MFHAS1: variants seen among roughly 807,000 people sequenced by gnomAD.
MFHAS1 encodes multifunctional ROCO family signaling regulator 1, also known as malignant fibrous histiocytoma-amplified sequence 1.
A neutral mutation model predicts 70.4 loss-of-function variants in MFHAS1; 50 were observed. The ratio of observed to expected loss-of-function variants is 0.71; its 90% CI spans 0.57 to 0.90. MFHAS1 has a LOEUF of 0.90. Among genes scored for constraint, MFHAS1 ranks in the 40% least tolerant of loss-of-function variants. MFHAS1 has a pLI of 0.00. For synonymous variants in MFHAS1, 952 were observed against 620.0 expected, an observed-to-expected ratio of 1.54 and a Z score of -7.96; for missense variants, 1,795 against 1,347.6, an observed-to-expected ratio of 1.33 and a Z score of -5.20.
chr8:8,860,227 C>T (rs1463711126), intron 1 of MFHAS1, among the ~76,000 whole-genome samples: 1 of 152,314 alleles, frequency 6.6e-6, no homozygotes, highest in South Asian at 2.1e-4. Context: ...CCCACTCACA[C>T]GACAGCCCTT....
chr8:8,853,490 A>C (rs378679), intron 1 of MFHAS1, among the ~76,000 whole-genome samples: 89 of 141,342 alleles, frequency 6.3e-4, no homozygotes, highest in African/African-American at 2.2e-3. Context: ...AAAAAAAAAA[A>C]CCACACACAA....
In MFHAS1 at chr8:8,891,469, C is replaced by T. The variant is rs2116953438; in HGVS notation, c.1590G>A (p.Ala530=). The part of the protein sequence containing the change: ...LHRVGARVPH[A]VVCIVGTHAD... ...CGTGGGTGCCCACGATGCACACCAC[C>T]GCGTGGGGCACTCTCGCCCCGACCC... is the stretch of plus-strand genomic sequence containing the variant. The change falls in exon 1 of 3, where the codon GCG becomes GCA. Residue 530 remains alanine (A), a synonymous_variant. Coordinates refer to ENST00000276282, the MANE Select transcript of MFHAS1 (RefSeq NM_004225.3). The surrounding 1 kb of genome is among the most constrained non-coding windows in gnomAD (Gnocchi z 5.4). The T allele has an allele frequency of 1.2e-6, 2 of 1,612,990 alleles. No homozygotes were observed. The highest frequency in any genetic ancestry group is 1.7e-6 in the Non-Finnish European group (2 of 1,180,024).
At chr8:8,795,540 T>A (rs1352641031) in intron 2 of MFHAS1, among the ~76,000 whole-genome samples, 2 of 152,246 alleles carry the variant, frequency 1.3e-5, no homozygotes, top group Non-Finnish European at 2.9e-5. Context: ...GAGCATTAGA[T>A]AACAGTTTCC....
chr8:8,887,859 C>CA lies in MFHAS1; in HGVS notation c.2998+2201dup, dbSNP rs11300082. Among the ~76,000 whole-genome samples, 655 of 95,356 alleles carry CA rather than the reference C, an allele frequency of 6.9e-3. 3 individuals carry two copies. The highest frequency in any genetic ancestry group is 0.023 in the East Asian group (55 of 2,440). The allele number at this position is 95,356 out of a possible 152,430, so 62.6% of individuals were successfully genotyped here. ...AAAGAGCTGACGTTAGCAAAAAAAA[C>CA]AAAAAAAAAAAAAAAAAAACCTCCA... is the stretch of plus-strand genomic sequence containing the variant. On this transcript the variant is annotated intron_variant, in intron 1 of 2. Transcript: ENST00000276282.
intron 1 of MFHAS1, among the ~76,000 whole-genome samples, chr8:8,827,644 A>G (rs1807211578): frequency 6.6e-6 from 1 of 152,222 alleles, no homozygotes; most frequent in South Asian, 2.1e-4. Flanking sequence ...ATAGGCTGCA[A>G]ATATTTTTCT....
At chr8:8,875,332 T>G (rs907607657) in intron 1 of MFHAS1, among the ~76,000 whole-genome samples, 1 of 152,214 alleles carries the variant, frequency 6.6e-6, no homozygotes, top group Admixed American at 6.5e-5. Context: ...AACACAAGGT[T>G]AAATAAACAA....
chr8:8,864,186 T>G (rs764604768), intron 1 of MFHAS1, among the ~76,000 whole-genome samples: 2 of 152,202 alleles, frequency 1.3e-5, no homozygotes, highest in African/African-American at 4.8e-5. Context: ...TGGCTTTCTG[T>G]GCGGCAAGCA....
At chr8:8,862,593 G>A (rs2116892043) in intron 1 of MFHAS1, among the ~76,000 whole-genome samples, 1 of 152,220 alleles carries the variant, frequency 6.6e-6, no homozygotes, top group East Asian at 1.9e-4. Context: ...TGAACAGGCA[G>A]AGCTCAGAGG....
intron 1 of MFHAS1, among the ~76,000 whole-genome samples, chr8:8,830,623 G>C (rs1279756725): frequency 6.6e-6 from 1 of 152,186 alleles, no homozygotes; most frequent in African/African-American, 2.4e-5. Flanking sequence ...TTCTTTTTGA[G>C]ATGGATTCTT....
chr8:8,830,438 AAAAGAG>A (rs1254198562), intron 1 of MFHAS1, among the ~76,000 whole-genome samples: 2 of 152,208 alleles, frequency 1.3e-5, no homozygotes, highest in Non-Finnish European at 2.9e-5. Flanking sequence ...GAATACAAGT[AAAAGAG>A]AAAATCACTC....
At chr8:8,862,906 G>A (rs1049839239) in intron 1 of MFHAS1, among the ~76,000 whole-genome samples, 3 of 152,182 alleles carry the variant, frequency 2.0e-5, no homozygotes, top group African/African-American at 7.2e-5. Context: ...CTATTTAACA[G>A]TAAAAATCTT....
intron 1 of MFHAS1, among the ~76,000 whole-genome samples, chr8:8,855,597 T>C (rs568396774): frequency 6.6e-5 from 10 of 152,352 alleles, no homozygotes; most frequent in Admixed American, 3.9e-4. Context: ...GGCTCACACC[T>C]GTAATCCTGG....
intron 1 of MFHAS1, among the ~76,000 whole-genome samples, chr8:8,808,474 T>C (rs550222726): frequency 6.6e-6 from 1 of 152,306 alleles, no homozygotes; most frequent in South Asian, 2.1e-4. Flanking sequence ...GTAAGAGTAG[T>C]GATGCTGGCG....
intron 1 of MFHAS1, among the ~76,000 whole-genome samples, chr8:8,848,553 T>A (rs970594856): frequency 2.0e-5 from 3 of 152,204 alleles, no homozygotes; most frequent in African/African-American, 7.2e-5. Context: ...TAACTGGAAA[T>A]TGAATTAAAA....
intron 1 of MFHAS1, among the ~76,000 whole-genome samples, chr8:8,834,748 T>C (rs1235329123): frequency 6.6e-6 from 1 of 152,228 alleles, no homozygotes; most frequent in African/African-American, 2.4e-5. Context: ...TATTCATTCA[T>C]GTAACAACAT....
At chr8:8,857,918 T>C (rs1371860892) in intron 1 of MFHAS1, among the ~76,000 whole-genome samples, 1 of 152,248 alleles carries the variant, frequency 6.6e-6, no homozygotes, top group Non-Finnish European at 1.5e-5. Context: ...TGATACATTT[T>C]GCTATCAGGA....
intron 1 of MFHAS1, among the ~76,000 whole-genome samples, chr8:8,812,571 G>C (rs1228481055): frequency 1.3e-5 from 2 of 152,098 alleles, no homozygotes; most frequent in African/African-American, 2.4e-5. Flanking sequence ...TCATGGTCTT[G>C]GAAATCATTA....
At chr8:8,881,800 A>G (rs970026191) in intron 1 of MFHAS1, among the ~76,000 whole-genome samples, 1 of 147,652 alleles carries the variant, frequency 6.8e-6, no homozygotes, top group African/African-American at 2.5e-5. Context: ...CTGGTGACAG[A>G]GTAAGACTCC....
intron 2 of MFHAS1, among the ~76,000 whole-genome samples, chr8:8,787,371 C>CAT (rs1805589607): frequency 6.6e-6 from 1 of 152,112 alleles, no homozygotes; most frequent in Non-Finnish European, 1.5e-5. Context: ...TGAGCCACTG[C>CAT]GCCCGGCCTC....
Sources: gnomAD v4.1 joint callset for allele counts (sites outside exome capture counted in the v4.1 genomes callset) on GRCh38, gnomAD v4.1.1 for gene constraint, Gnocchi (gnomAD v3.1) non-coding constraint, MANE v1.5 for transcripts, NCBI Gene and HGNC (gene_info 2026-07-23, HGNC 2026-07-21) for gene names.